MGAT5B: variants seen among roughly 807,000 people sequenced by gnomAD.
MGAT5B encodes the protein N-acetylglucosaminyl-transferase Vb.
In MGAT5B, 54 loss-of-function variants were observed where a neutral mutation model predicts 95.1. The ratio of observed to expected loss-of-function variants is 0.57; its 90% CI spans 0.46 to 0.71. The LOEUF is 0.71. Ranked by LOEUF, MGAT5B falls within the 30% of genes least tolerant of loss-of-function variation. The pLI, the probability that MGAT5B is intolerant of heterozygous loss-of-function variation, is 0.00. For missense variants in MGAT5B, 935 were observed against 1,088.6 expected, an observed-to-expected ratio of 0.86 and a Z score of 1.99; for synonymous variants, 464 against 451.0, an observed-to-expected ratio of 1.03 and a Z score of -0.36.
At chr17:76,878,356 G>A (rs564836188) in intron 2 of MGAT5B, among the ~76,000 whole-genome samples, 43 of 152,336 alleles carry the variant, frequency 2.8e-4, no homozygotes, top group Non-Finnish European at 5.0e-4. Flanking sequence ...GGCACGGGGG[G>A]ACTTGGTCCA....
intron 10 of MGAT5B, among the ~76,000 whole-genome samples, chr17:76,929,778 C>T (rs1470367): frequency 0.48 from 72,862 of 152,068 alleles, 18,014 homozygotes; most frequent in Admixed American, 0.58. Flanking sequence ...TGCTGCCTCT[C>T]CTGGCCTTAC....
intron 15 of MGAT5B, among the ~76,000 whole-genome samples, chr17:76,945,062 C>G (rs1969992406): frequency 6.6e-6 from 1 of 152,138 alleles, no homozygotes; most frequent in African/African-American, 2.4e-5. Context: ...TGAGTCCTGA[C>G]TGCTGCCCCT....
At chr17:76,923,997 A>G (rs372713293) in intron 8 of MGAT5B, 2 of 152,200 alleles carry the variant, frequency 1.3e-5, no homozygotes, top group Non-Finnish European at 2.9e-5. Context: ...AAGTGACCGG[A>G]TGCCTCGTCA....
At chr17:76,900,476 TAAAG>T (rs1014015685) in intron 3 of MGAT5B, among the ~76,000 whole-genome samples, 2 of 152,124 alleles carry the variant, frequency 1.3e-5, no homozygotes, top group Admixed American at 1.3e-4. Context: ...GGTGTTCTTA[TAAAG>T]AGAGGAAAGT....
chr17:76,877,123 C>T (rs1423986931), intron 2 of MGAT5B, among the ~76,000 whole-genome samples: 1 of 151,824 alleles, frequency 6.6e-6, no homozygotes. Flanking sequence ...GTCAGGAGTT[C>T]GAGACCAGCC....
chr17:76,924,682 A>G (rs1472906669), intron 8 of MGAT5B, among the ~76,000 whole-genome samples: 1 of 152,232 alleles, frequency 6.6e-6, no homozygotes, highest in Non-Finnish European at 1.5e-5. Flanking sequence ...CTGCGGGAGC[A>G]CATTTGTGTC....
intron 10 of MGAT5B, among the ~76,000 whole-genome samples, chr17:76,927,712 C>G (rs990587375): frequency 1.3e-5 from 2 of 152,252 alleles, no homozygotes; most frequent in Non-Finnish European, 2.9e-5. Context: ...GCTGCGTCCC[C>G]TCCTCGTGTC....
chr17:76,869,103 GTTCCC>G lies in MGAT5B; in HGVS notation c.68+8_68+12del. 1 of 1,614,006 alleles carries G rather than the reference GTTCCC, an allele frequency of 6.2e-7. No individual in the cohort carries two copies. Among genetic ancestry groups the G allele is most frequent in the Non-Finnish European group, 8.5e-7 (1 of 1,179,888 alleles). ...GTCACCCTGAGACCCTTTCGGTAAA[GTTCCC>G]TCCTGGTTGGTTTTTTCCCCAGGGG... On this transcript the variant is annotated splice_region_variant and intron_variant, in intron 1 of 17. Transcript: ENST00000569840. This position sits in a 1 kb window ranked among gnomAD's most constrained non-coding sequence, Gnocchi z 7.0.
In MGAT5B at chr17:76,906,312, C is replaced by T. The variant is rs1968527237; in HGVS notation, c.1025+125C>T. 8.2e-6 allele frequency: 7 copies of T among 856,372 alleles called. No homozygotes were observed. The South Asian group carries it at 1.3e-4, about 15-fold the overall frequency. The allele number at this position is 856,372 out of a possible 1,614,324, so 53.0% of individuals were successfully genotyped here. On this transcript the variant is annotated intron_variant, in intron 8 of 17. Transcript: ENST00000569840. This position sits in a 1 kb window ranked among gnomAD's most constrained non-coding sequence, Gnocchi z 4.6. Reference sequence around the variant, plus strand: ...CCTGCAGGTCCCACGGCCCTGAGACCCTGGGAGACATCCTGGTGTTCCGCA... The same window carrying T: ...CCTGCAGGTCCCACGGCCCTGAGACTCTGGGAGACATCCTGGTGTTCCGCA...
intron 3 of MGAT5B, among the ~76,000 whole-genome samples, chr17:76,901,630 G>A (rs1249449419): frequency 6.6e-6 from 1 of 152,224 alleles, no homozygotes; most frequent in African/African-American, 2.4e-5. Context: ...GTGGAGGGCT[G>A]TGGTGGTGGC....
At chr17:76,929,317 G>A (rs950750497) in intron 10 of MGAT5B, among the ~76,000 whole-genome samples, 1 of 152,142 alleles carries the variant, frequency 6.6e-6, no homozygotes, top group Non-Finnish European at 1.5e-5. Context: ...GGTGGAGCCC[G>A]CTGGATGTGG....
In MGAT5B at chr17:76,940,717, C is replaced by T. The variant is rs772296422; in HGVS notation, c.1732-15C>T. On this transcript the variant is annotated splice_polypyrimidine_tract_variant and intron_variant, in intron 14 of 17. Transcript: ENST00000569840. This position sits in a 1 kb window ranked among gnomAD's most constrained non-coding sequence, Gnocchi z 4.3. ...CAGGCACGGGGGGCATCTGCAATCT[C>T]TGTACCCTTGCCAGGTGTTCTCCCA... 5.0e-6 allele frequency: 8 copies of T among 1,613,534 alleles called. No homozygotes were observed. The highest frequency in any genetic ancestry group is 6.8e-6 in the Non-Finnish European group (8 of 1,179,592).
chr17:76,924,817 G>C, intron 8 of MGAT5B, 149 bp from the exon 9 acceptor site: 1 of 1,027,638 alleles, frequency 9.7e-7, no homozygotes, highest in Non-Finnish European at 1.4e-6. Flanking sequence ...CTACGTTACC[G>C]TACAGGGCCA....
intron 12 of MGAT5B, among the ~76,000 whole-genome samples, chr17:76,936,529 A>G (rs769476373): frequency 6.6e-6 from 1 of 152,208 alleles, no homozygotes; most frequent in East Asian, 1.9e-4. Context: ...TGTCTAACCC[A>G]AGGTTACAAA....
intron 3 of MGAT5B, among the ~76,000 whole-genome samples, chr17:76,891,527 C>A (rs1967869442): frequency 6.6e-6 from 1 of 150,664 alleles, no homozygotes; most frequent in South Asian, 2.1e-4. Context: ...CTACAGGCAT[C>A]TGCCACCACA....
chr17:76,940,425 C>T lies in MGAT5B; in HGVS notation c.1608C>T (p.Pro536=). The T allele has an allele frequency of 6.2e-7, 1 of 1,611,226 alleles. No individual in the cohort carries two copies. The highest frequency in any genetic ancestry group is 8.5e-7 in the Non-Finnish European group (1 of 1,178,382). ...AGCTCTTCATCGGGTTTGGCTTCCCCTACGAGGGCCCCGCCCCCCTGGAGG... is the reference window on the plus strand; with the variant it reads ...AGCTCTTCATCGGGTTTGGCTTCCCTTACGAGGGCCCCGCCCCCCTGGAGG... ...KAKLFIGFGF[P]YEGPAPLEAI... The change falls in exon 14 of 18, where the codon CCC becomes CCT. Residue 536 remains proline (P), a synonymous_variant. Transcript: ENST00000569840. This position sits in a 1 kb window ranked among gnomAD's most constrained non-coding sequence, Gnocchi z 4.3.
intron 3 of MGAT5B, among the ~76,000 whole-genome samples, chr17:76,895,254 C>T (rs952188766): frequency 6.6e-6 from 1 of 151,784 alleles, no homozygotes; most frequent in African/African-American, 2.4e-5. Flanking sequence ...CCAAATGGGA[C>T]CATCTAGTTG....
intron 15 of MGAT5B, among the ~76,000 whole-genome samples, chr17:76,941,311 A>G (rs949848483): frequency 6.6e-6 from 1 of 152,220 alleles, no homozygotes; most frequent in African/African-American, 2.4e-5. Flanking sequence ...AAGGGGGCAG[A>G]ACACCCTGGG....
intron 15 of MGAT5B, among the ~76,000 whole-genome samples, chr17:76,942,889 T>A (rs8070977): frequency 1.3e-5 from 2 of 152,036 alleles, no homozygotes; most frequent in South Asian, 2.1e-4. Flanking sequence ...ACCAATCCTC[T>A]AAGACTTCTC....
Sources: gnomAD v4.1 joint callset for allele counts (sites outside exome capture counted in the v4.1 genomes callset) on GRCh38, gnomAD v4.1.1 for gene constraint, Gnocchi (gnomAD v3.1) non-coding constraint, MANE v1.5 for transcripts, NCBI Gene and HGNC (gene_info 2026-07-23, HGNC 2026-07-21) for gene names.